The following EEA1 variants were observed in gnomAD, a reference collection of about 807,000 sequenced individuals.
EEA1 encodes early endosome antigen 1.
A neutral mutation model predicts 209.2 loss-of-function variants in EEA1; 111 were observed. The ratio of observed to expected loss-of-function variants is 0.53; its 90% CI spans 0.45 to 0.62. The LOEUF is 0.62. EEA1 is among the 20% of genes least tolerant of loss of function. The pLI is 0.00. For missense variants in EEA1, 1,343 were observed against 1,530.8 expected (o/e 0.88, Z 2.05); for synonymous variants, 536 against 540.6 (o/e 0.99, Z 0.12).
intron 3 of EEA1, among the ~76,000 whole-genome samples, chr12:92,864,363 T>G (rs79373179): frequency 0.085 from 12,903 of 152,204 alleles, 634 homozygotes; most frequent in Non-Finnish European, 0.098. Context: ...TGAATGCTAT[T>G]CTAAGTAGTT....
At chr12:92,813,211 CAT>C in intron 15 of EEA1, 118 bp from the exon 16 acceptor site, 2 of 547,132 alleles carry the variant, frequency 3.7e-6, no homozygotes, top group South Asian at 7.7e-5. Flanking sequence ...TTGGCAAAAA[CAT>C]ATGGATTTAT....
chr12:92,874,227 G>A (rs1211088124), intron 2 of EEA1, among the ~76,000 whole-genome samples: 3 of 151,994 alleles, frequency 2.0e-5, no homozygotes, highest in African/African-American at 4.8e-5. Flanking sequence ...AGGTTGAGGC[G>A]GGAGGATCAC....
intron 2 of EEA1, among the ~76,000 whole-genome samples, chr12:92,886,192 T>C (rs556649255): frequency 9.2e-5 from 13 of 140,612 alleles, no homozygotes; most frequent in Admixed American, 1.4e-4. Flanking sequence ...AAGATCAAAT[T>C]TGAAAAAAAA....
chr12:92,908,880 G>C (rs951509721), intron 1 of EEA1, among the ~76,000 whole-genome samples: 1 of 152,140 alleles, frequency 6.6e-6, no homozygotes, highest in African/African-American at 2.4e-5. Context: ...CTGGAGTGCA[G>C]TGGTACAATC....
At chr12:92,800,959 G>A (rs1307343100) in intron 20 of EEA1, among the ~76,000 whole-genome samples, 3 of 152,166 alleles carry the variant, frequency 2.0e-5, no homozygotes, top group African/African-American at 7.2e-5. Flanking sequence ...TCAGTACTAT[G>A]TCTTGCTCCT....
intron 1 of EEA1, 21 bp from the exon 2 acceptor site, chr12:92,891,742 A>T: frequency 6.5e-7 from 1 of 1,547,276 alleles, no homozygotes; most frequent in Non-Finnish European, 8.8e-7. Flanking sequence ...AACAGTAGGG[A>T]GGAAAAAAAA....
intron 2 of EEA1, among the ~76,000 whole-genome samples, chr12:92,888,538 C>T (rs771206497): frequency 6.6e-6 from 1 of 151,136 alleles, no homozygotes; most frequent in Non-Finnish European, 1.5e-5. Flanking sequence ...GATCGCGCCA[C>T]TGCACTTCAG....
chr12:92,921,309 T>C (rs1289979493), intron 1 of EEA1, among the ~76,000 whole-genome samples: 22 of 133,040 alleles, frequency 1.7e-4, no homozygotes, highest in African/African-American at 6.5e-4. Flanking sequence ...CGTATGTTTA[T>C]TGCGGCACTA....
chr12:92,846,947 A>G, intron 9 of EEA1, among the ~76,000 whole-genome samples: 1 of 151,988 alleles, frequency 6.6e-6, no homozygotes, highest in South Asian at 2.1e-4. Context: ...TTTACTTGAG[A>G]TTTTAATTTT....
At chr12:92,908,791 T>C (rs1880473041) in intron 1 of EEA1, among the ~76,000 whole-genome samples, 1 of 152,082 alleles carries the variant, frequency 6.6e-6, no homozygotes, top group South Asian at 2.1e-4. Flanking sequence ...AAAAACCATT[T>C]TATATCTTAA....
At position 92,891,581 on chromosome 12, in the gene EEA1, C is replaced by T. The variant is rs564501850; in HGVS notation, c.117+48G>A. 17 of 1,376,426 alleles carry T rather than the reference C, an allele frequency of 1.2e-5. No individual in the cohort carries two copies. The South Asian group carries it at 2.2e-4, about 18-fold the overall frequency. The allele number at this position is 1,376,426 out of a possible 1,614,324, so 85.3% of individuals were successfully genotyped here. On this transcript the variant is annotated intron_variant, in intron 2 of 28. Transcript: ENST00000322349. ...CCAATCGTTACACCAAATATTTGCT[C>T]ATTTTCCCTTAATATTGAATTTTAT...
chr12:92,926,458 G>A (rs1314390292), intron 1 of EEA1, among the ~76,000 whole-genome samples: 1 of 152,176 alleles, frequency 6.6e-6, no homozygotes, highest in African/African-American at 2.4e-5. Flanking sequence ...AGTTATACTT[G>A]TTGGTAAATA....
chr12:92,834,251 T>C (rs1276951165), intron 10 of EEA1, among the ~76,000 whole-genome samples: 3 of 151,828 alleles, frequency 2.0e-5, no homozygotes, highest in African/African-American at 4.8e-5. Context: ...GATAAAAGTA[T>C]GTATAAGAGA....
intron 5 of EEA1, among the ~76,000 whole-genome samples, chr12:92,854,219 T>G (rs1344142668): frequency 6.6e-6 from 1 of 152,234 alleles, no homozygotes; most frequent in Non-Finnish European, 1.5e-5. Context: ...ATGGTCATCT[T>G]AAATTCCATG....
chr12:92,803,162 T>C (rs1432186113), intron 18 of EEA1, among the ~76,000 whole-genome samples: 2 of 152,076 alleles, frequency 1.3e-5, no homozygotes, highest in African/African-American at 4.8e-5. Context: ...AAACACATTA[T>C]GTGTGACAGT....
At chr12:92,894,101 T>C (rs1308032069) in intron 1 of EEA1, among the ~76,000 whole-genome samples, 1 of 152,244 alleles carries the variant, frequency 6.6e-6, no homozygotes, top group Non-Finnish European at 1.5e-5. Context: ...ATATCTGTTA[T>C]GGTGACCTGT....
intron 14 of EEA1, among the ~76,000 whole-genome samples, chr12:92,818,929 G>A (rs1055443895): frequency 6.6e-6 from 1 of 152,088 alleles, no homozygotes; most frequent in Non-Finnish European, 1.5e-5. Flanking sequence ...ACTAACACTT[G>A]ATTAATATCT....
At position 92,772,442 on chromosome 12, in the gene EEA1, T is replaced by C. The variant is rs561991440; in HGVS notation, c.*3569A>G. 6.6e-6 allele frequency: 1 copy of C among 151,824 alleles called. No individual in the cohort carries two copies. The allele number at this position is 151,824 out of a possible 1,614,324, so 9.4% of individuals were successfully genotyped here. On this transcript the variant is annotated 3_prime_UTR_variant, in exon 29 of 29. Coordinates refer to ENST00000322349, the MANE Select transcript of EEA1 (RefSeq NM_003566.4). Reference sequence around the variant, plus strand: ...TCCTAATATTCTGTAAATAAATTAATGCAAAATGGTTAATACAGTGTTCTC... The same window carrying C: ...TCCTAATATTCTGTAAATAAATTAACGCAAAATGGTTAATACAGTGTTCTC...
At chr12:92,786,036 T>C (rs559989466) in intron 22 of EEA1, among the ~76,000 whole-genome samples, 4 of 152,204 alleles carry the variant, frequency 2.6e-5, no homozygotes, top group Non-Finnish European at 5.9e-5. Flanking sequence ...ATGACATCCA[T>C]ATGGAAAGAG....
Sources: allele counts gnomAD v4.1 joint callset (sites outside exome capture counted in the v4.1 genomes callset), GRCh38; gene constraint gnomAD v4.1.1; transcripts MANE v1.5; gene names NCBI Gene and HGNC (gene_info 2026-07-23, HGNC 2026-07-21).